CNTN5: variants seen among roughly 807,000 people sequenced by gnomAD.
CNTN5 encodes contactin-5.
In CNTN5, 77 loss-of-function variants were observed where a neutral mutation model predicts 129.1. That is an observed-to-expected ratio of 0.60 (90% CI 0.50 to 0.72). The LOEUF (loss-of-function observed/expected upper bound fraction) is 0.72, where lower values mean the gene tolerates loss of function less well. Ranked by LOEUF, CNTN5 falls within the 30% of genes least tolerant of loss-of-function variation. The pLI is 0.00. For synonymous variants in CNTN5, 509 were observed against 465.6 expected (o/e 1.09, Z -1.20); for missense variants, 1,478 against 1,328.8 (o/e 1.11, Z -1.75).
intron 2 of CNTN5, among the ~76,000 whole-genome samples, chr11:99,364,636 G>A (rs1939329343): frequency 6.6e-6 from 1 of 151,960 alleles, no homozygotes; most frequent in South Asian, 2.1e-4. Flanking sequence ...AAGTATAAAG[G>A]TTCGTGAAAA....
rs187543439 is a variant in CNTN5 at position 99,701,871 on chromosome 11, G to A, written c.56-117673G>A. On this transcript the variant is annotated intron_variant, in intron 3 of 24. Coordinates refer to ENST00000524871, the MANE Select transcript of CNTN5 (RefSeq NM_014361.4). ...TCTCTTTGACTTGGCCTTTAACATTGCTTTATTCATATTGAGCTATTTTAC... is the reference window on the plus strand; with the variant it reads ...TCTCTTTGACTTGGCCTTTAACATTACTTTATTCATATTGAGCTATTTTAC... Among the ~76,000 whole-genome samples, 55 of 150,814 alleles carry A rather than the reference G, an allele frequency of 3.6e-4. 2 individuals are homozygous for A. The highest frequency in any genetic ancestry group is 3.4e-3 in the Middle Eastern group (1 of 294).
At chr11:99,663,380 A>G (rs1183887788) in intron 3 of CNTN5, among the ~76,000 whole-genome samples, 1 of 152,176 alleles carries the variant, frequency 6.6e-6, no homozygotes, top group African/African-American at 2.4e-5. Flanking sequence ...AAGCAGAAGA[A>G]TCCCTTGAAC....
intron 21 of CNTN5, among the ~76,000 whole-genome samples, chr11:100,325,936 C>T (rs1951779484): frequency 6.6e-6 from 1 of 152,042 alleles, no homozygotes; most frequent in African/African-American, 2.4e-5. Context: ...AATTCCTTTT[C>T]CTAGAAAAGA....
intron 1 of CNTN5, among the ~76,000 whole-genome samples, chr11:99,225,290 G>A (rs923238626): frequency 6.6e-6 from 1 of 152,074 alleles, no homozygotes; most frequent in African/African-American, 2.4e-5. Flanking sequence ...GCAACAGGGC[G>A]CTATAGGCCT....
At chr11:99,766,140 G>C (rs1394340823) in intron 3 of CNTN5, among the ~76,000 whole-genome samples, 1 of 151,752 alleles carries the variant, frequency 6.6e-6, no homozygotes, top group Non-Finnish European at 1.5e-5. Flanking sequence ...CATGTTTTTG[G>C]AAATTTTAAC....
At chr11:100,332,408 AAAG>A (rs1951923908) in intron 21 of CNTN5, among the ~76,000 whole-genome samples, 1 of 152,202 alleles carries the variant, frequency 6.6e-6, no homozygotes, top group South Asian at 2.1e-4. Flanking sequence ...TCAGACATTT[AAAG>A]AAGAATTGGT....
At chr11:99,789,539 T>C (rs1182495663) in intron 3 of CNTN5, among the ~76,000 whole-genome samples, 1 of 152,146 alleles carries the variant, frequency 6.6e-6, no homozygotes, top group East Asian at 1.9e-4. Context: ...TAATGGGCAA[T>C]TGAATAATTA....
intron 1 of CNTN5, among the ~76,000 whole-genome samples, chr11:99,159,291 T>A (rs994145052): frequency 7.9e-5 from 12 of 152,186 alleles, no homozygotes; most frequent in African/African-American, 2.7e-4. Context: ...TTTATCAATT[T>A]CAAAAGGGGC....
intron 3 of CNTN5, among the ~76,000 whole-genome samples, chr11:99,675,259 C>G (rs1219016434): frequency 6.6e-6 from 1 of 151,950 alleles, no homozygotes; most frequent in Non-Finnish European, 1.5e-5. Context: ...GAAATCTCGC[C>G]CATCAGTACT....
intron 1 of CNTN5, among the ~76,000 whole-genome samples, chr11:99,071,524 A>C (rs1409898423): frequency 6.6e-6 from 1 of 152,198 alleles, no homozygotes; most frequent in Non-Finnish European, 1.5e-5. Context: ...TTTTAAAAAG[A>C]CTTTGCAAAT....
chr11:99,453,646 A>G (rs1944391161), intron 2 of CNTN5, among the ~76,000 whole-genome samples: 1 of 152,242 alleles, frequency 6.6e-6, no homozygotes, highest in Non-Finnish European at 1.5e-5. Flanking sequence ...TGAAGCAACA[A>G]AACCTTGAAA....
intron 3 of CNTN5, among the ~76,000 whole-genome samples, chr11:99,610,971 C>G (rs1193601568): frequency 6.6e-6 from 1 of 152,122 alleles, no homozygotes; most frequent in Non-Finnish European, 1.5e-5. Flanking sequence ...CACACCAAAG[C>G]AAATCATTGA....
chr11:99,974,882 T>C (rs952304097), intron 8 of CNTN5, among the ~76,000 whole-genome samples: 4 of 152,202 alleles, frequency 2.6e-5, no homozygotes, highest in Admixed American at 2.6e-4. Flanking sequence ...AAAAAAAATA[T>C]GCTGAATCCA....
At chr11:99,519,169 T>C (rs1198596425) in intron 2 of CNTN5, among the ~76,000 whole-genome samples, 1 of 152,074 alleles carries the variant, frequency 6.6e-6, no homozygotes, top group Non-Finnish European at 1.5e-5. Context: ...CCAGTAAGTG[T>C]ACATGATGTT....
chr11:99,929,845 C>G (rs1158273738), intron 7 of CNTN5, among the ~76,000 whole-genome samples: 1 of 152,056 alleles, frequency 6.6e-6, no homozygotes, highest in Admixed American at 6.6e-5. Context: ...GGTCCTTGGT[C>G]CTCGATTCTT....
At chr11:100,347,978 G>A (rs1464314260) in intron 23 of CNTN5, among the ~76,000 whole-genome samples, 1 of 151,816 alleles carries the variant, frequency 6.6e-6, no homozygotes, top group Non-Finnish European at 1.5e-5. Context: ...TTCAGATCAT[G>A]CCTTTGAGAA....
chr11:99,803,884 G>A (rs895563711), intron 3 of CNTN5, among the ~76,000 whole-genome samples: 1 of 152,144 alleles, frequency 6.6e-6, no homozygotes, highest in African/African-American at 2.4e-5. Flanking sequence ...TTGAATTAAA[G>A]CTCACAGAAT....
chr11:99,499,711 T>G (rs1426265631), intron 2 of CNTN5, among the ~76,000 whole-genome samples: 2 of 152,232 alleles, frequency 1.3e-5, no homozygotes, highest in Non-Finnish European at 2.9e-5. Context: ...TCAACTCAAT[T>G]TTGATATTTA....
intron 2 of CNTN5, among the ~76,000 whole-genome samples, chr11:99,397,082 G>T (rs1045578606): frequency 6.6e-5 from 10 of 151,698 alleles, no homozygotes; most frequent in African/African-American, 2.4e-4. Context: ...TGATGCCAAT[G>T]GCCAGTCCTC....
Sources: gnomAD v4.1 joint callset for allele counts (sites outside exome capture counted in the v4.1 genomes callset) on GRCh38, gnomAD v4.1.1 for gene constraint, MANE v1.5 for transcripts, NCBI Gene and HGNC (gene_info 2026-07-23, HGNC 2026-07-21) for gene names.